The following DLGAP1 variants were observed in gnomAD, a reference collection of about 807,000 sequenced individuals.
DLGAP1 encodes the protein DLG associated protein 1, also known as disks large-associated protein 1.
Under a neutral mutation model 90.8 loss-of-function variants are expected in DLGAP1, and 11 were observed. That is an observed-to-expected ratio of 0.12 (90% CI 0.08 to 0.20). The LOEUF (loss-of-function observed/expected upper bound fraction) is 0.20. DLGAP1 is among the 10% of genes least tolerant of loss of function. DLGAP1 has a pLI of 1.00. For synonymous variants in DLGAP1, 558 were observed against 540.7 expected, an observed-to-expected ratio of 1.03 and a Z score of -0.44; for missense variants, 1,050 against 1,333.8, an observed-to-expected ratio of 0.79 and a Z score of 3.31.
Position 3,565,676 on chromosome 18 carries a change from A to C in DLGAP1, c.2057+1814T>G, listed in dbSNP as rs2054386189. 6.6e-6 allele frequency among the ~76,000 whole-genome samples: 1 copy of C among 151,934 alleles called. No individual in the cohort carries two copies. Among genetic ancestry groups the C allele is most frequent in the South Asian group, 2.1e-4 (1 of 4,812 alleles). ...ATGGTGAAACCCCGTCTCTCTTAAA[A>C]ATACAAAAATTAGCTGGGCGTGATG... On this transcript the variant is annotated intron_variant, in intron 9 of 12. Coordinates refer to ENST00000315677, the MANE Select transcript of DLGAP1 (RefSeq NM_004746.4). The surrounding 1 kb of genome is among the most constrained non-coding windows in gnomAD (Gnocchi z 4.0).
At chr18:4,376,525 T>C (rs1170759029) in intron 1 of DLGAP1, among the ~76,000 whole-genome samples, 3 of 152,202 alleles carry the variant, frequency 2.0e-5, no homozygotes, top group African/African-American at 7.2e-5. Flanking sequence ...TACTCCTATT[T>C]CAAGGCGTGG....
chr18:3,623,239 G>C (rs1297119363), intron 7 of DLGAP1, among the ~76,000 whole-genome samples: 1 of 152,154 alleles, frequency 6.6e-6, no homozygotes, highest in Non-Finnish European at 1.5e-5. Flanking sequence ...GATCACATGA[G>C]ATAATCAAGG....
rs1200743854 is a variant in DLGAP1, at chr18:4,084,791, A to T, written c.-159+66389T>A. 6.6e-6 allele frequency among the ~76,000 whole-genome samples: 1 copy of T among 152,240 alleles called. No individual in the cohort carries two copies. Among genetic ancestry groups the T allele is most frequent in the African/African-American group, 2.4e-5 (1 of 41,460 alleles). On this transcript the variant is annotated intron_variant, in intron 2 of 12. Coordinates refer to ENST00000315677, the MANE Select transcript of DLGAP1 (RefSeq NM_004746.4). This position sits in a 1 kb window ranked among gnomAD's most constrained non-coding sequence, Gnocchi z 4.0. ...TGCAACACTTATTAAATATATTAGC[A>T]TGCTTTTCTCCTATCAATCTGTCTT... is the stretch of plus-strand genomic sequence containing the variant.
At chr18:4,019,378 G>C (rs1028674366) in intron 2 of DLGAP1, among the ~76,000 whole-genome samples, 1 of 151,776 alleles carries the variant, frequency 6.6e-6, no homozygotes, top group Non-Finnish European at 1.5e-5. Context: ...AAACACTTCC[G>C]TCGCTTAAGA....
intron 7 of DLGAP1, among the ~76,000 whole-genome samples, chr18:3,668,038 G>A (rs1015689013): frequency 6.6e-6 from 1 of 152,052 alleles, no homozygotes; most frequent in African/African-American, 2.4e-5. Flanking sequence ...ACCTAAACAG[G>A]CATTGTCACA....
chr18:4,381,347 C>A (rs1229396883), intron 1 of DLGAP1, among the ~76,000 whole-genome samples: 1 of 152,060 alleles, frequency 6.6e-6, no homozygotes, highest in African/African-American at 2.4e-5. Flanking sequence ...ATAATATAAG[C>A]AGAATGATGC....
intron 6 of DLGAP1, among the ~76,000 whole-genome samples, chr18:3,737,239 G>T (rs1333972646): frequency 1.3e-5 from 2 of 151,996 alleles, no homozygotes; most frequent in Admixed American, 6.6e-5. Context: ...CCAATCACTA[G>T]AAAAAGAGGG....
rs1351590137 is a variant in DLGAP1, at chr18:3,923,334, C to T, written c.-72-43194G>A. ...AAATGATGTCTTGTTTTAATTTTCA[C>T]ATTATTATAAATAAGACTGAACAAC... On this transcript the variant is annotated intron_variant, in intron 3 of 12. Transcript: ENST00000315677. Among the ~76,000 whole-genome samples the T allele has an allele frequency of 4.6e-5, 7 of 152,044 alleles. No individual in the cohort carries two copies. In the East Asian group the frequency reaches 1.4e-3, roughly 29 times the overall value.
At position 3,849,386 on chromosome 18, in the gene DLGAP1, T is replaced by C. The variant is rs933365226; in HGVS notation, c.957+29726A>G. On this transcript the variant is annotated intron_variant, in intron 4 of 12. Transcript: ENST00000315677. ...AGAACTGACTCTCTGCTAGCCACCC[T>C]TCTAATAGGATGAGTATGAGGGGTG... 2.6e-5 allele frequency among the ~76,000 whole-genome samples: 4 copies of C among 152,034 alleles called. No individual in the cohort carries two copies. In the East Asian group the frequency reaches 7.7e-4, roughly 29 times the overall value.
chr18:3,515,040 C>A (rs1007628849), intron 10 of DLGAP1, among the ~76,000 whole-genome samples: 3 of 152,184 alleles, frequency 2.0e-5, no homozygotes, highest in Non-Finnish European at 2.9e-5. Flanking sequence ...ACTGCCCCGG[C>A]TGGCTGTGAC....
intron 7 of DLGAP1, among the ~76,000 whole-genome samples, chr18:3,714,647 T>G (rs899556334): frequency 2.0e-5 from 3 of 149,092 alleles, no homozygotes; most frequent in African/African-American, 7.4e-5. Flanking sequence ...TGGTTTTTTT[T>G]TTTTTTTTTT....
intron 6 of DLGAP1, among the ~76,000 whole-genome samples, chr18:3,731,304 A>G (rs2062418417): frequency 6.6e-6 from 1 of 150,814 alleles, no homozygotes; most frequent in South Asian, 2.1e-4. Context: ...AACTCGGATG[A>G]TTATCTTTCC....
intron 8 of DLGAP1, among the ~76,000 whole-genome samples, chr18:3,570,156 G>T (rs2054682615): frequency 6.6e-6 from 1 of 151,950 alleles, no homozygotes; most frequent in Non-Finnish European, 1.5e-5. Flanking sequence ...TTCACACAAT[G>T]ACGAAATCAC....
chr18:4,116,125 A>C (rs1028082480), intron 2 of DLGAP1, among the ~76,000 whole-genome samples: 3 of 152,096 alleles, frequency 2.0e-5, no homozygotes, highest in Non-Finnish European at 4.4e-5. Context: ...TTTTGCCTTC[A>C]TTTTTCAAAG....
At chr18:3,558,172 A>G (rs145601730) in intron 9 of DLGAP1, among the ~76,000 whole-genome samples, 387 of 152,340 alleles carry the variant, frequency 2.5e-3, no homozygotes, top group Non-Finnish European at 4.6e-3. Context: ...CTCCAATTAT[A>G]ATAGTAGATA....
At chr18:4,211,812 T>C (rs1168202500) in intron 1 of DLGAP1, among the ~76,000 whole-genome samples, 2 of 152,190 alleles carry the variant, frequency 1.3e-5, no homozygotes, top group African/African-American at 2.4e-5. Flanking sequence ...ATTCTTGTGA[T>C]GTCAACAAAA....
intron 3 of DLGAP1, among the ~76,000 whole-genome samples, chr18:3,961,799 A>G (rs1307118721): frequency 6.6e-6 from 1 of 152,200 alleles, no homozygotes; most frequent in Non-Finnish European, 1.5e-5. Flanking sequence ...AAGGGGAAGC[A>G]TGGGCTTGGG....
At chr18:4,375,427 T>G (rs953387306) in intron 1 of DLGAP1, among the ~76,000 whole-genome samples, 1 of 152,174 alleles carries the variant, frequency 6.6e-6, no homozygotes. Context: ...AAACATATTC[T>G]GTCTTTTATT....
At chr18:4,032,817 G>A (rs76857573) in intron 2 of DLGAP1, among the ~76,000 whole-genome samples, 31 of 152,288 alleles carry the variant, frequency 2.0e-4, no homozygotes, top group African/African-American at 7.5e-4. Context: ...TCTCAATAGA[G>A]TGCAAACCTC....
Sources: gnomAD v4.1 joint callset for allele counts (sites outside exome capture counted in the v4.1 genomes callset) on GRCh38, gnomAD v4.1.1 for gene constraint, Gnocchi (gnomAD v3.1) non-coding constraint, MANE v1.5 for transcripts, NCBI Gene and HGNC (gene_info 2026-07-23, HGNC 2026-07-21) for gene names.